NPAS3: variants seen among roughly 807,000 people sequenced by gnomAD.
NPAS3 encodes the protein neuronal PAS domain-containing protein 3.
NPAS3 carries 14 observed loss-of-function variants against 73.1 expected under a neutral mutation model. The ratio of observed to expected loss-of-function variants is 0.19; its 90% CI spans 0.13 to 0.30. The LOEUF (loss-of-function observed/expected upper bound fraction) is 0.30. Among genes scored for constraint, NPAS3 ranks in the 10% least tolerant of loss-of-function variants. NPAS3 has a pLI of 1.00. For missense variants in NPAS3, 1,096 were observed against 1,250.0 expected, an observed-to-expected ratio of 0.88 and a Z score of 1.86; for synonymous variants, 620 against 541.5, an observed-to-expected ratio of 1.14 and a Z score of -2.01.
intron 4 of NPAS3, among the ~76,000 whole-genome samples, chr14:33,534,873 C>T (rs2054192329): frequency 6.6e-6 from 1 of 151,476 alleles, no homozygotes; most frequent in Non-Finnish European, 1.5e-5. Context: ...TATGATCACT[C>T]ACAGTGGGAA....
intron 5 of NPAS3, among the ~76,000 whole-genome samples, chr14:33,653,481 T>A (rs921029960): frequency 2.0e-5 from 3 of 152,282 alleles, no homozygotes; most frequent in African/African-American, 7.2e-5. Context: ...GCTTTTGTGA[T>A]CTCATATTAA....
At chr14:33,318,145 G>C (rs2043284628) in intron 3 of NPAS3, among the ~76,000 whole-genome samples, 1 of 151,972 alleles carries the variant, frequency 6.6e-6, no homozygotes, top group Non-Finnish European at 1.5e-5. Context: ...ATACGTACAA[G>C]GGAATATTAT....
intron 6 of NPAS3, among the ~76,000 whole-genome samples, chr14:33,732,235 A>G (rs183953757): frequency 9.2e-5 from 14 of 151,890 alleles, no homozygotes; most frequent in South Asian, 2.1e-4. Context: ...ATGTGCACGC[A>G]CACACACACA....
At chr14:33,183,527 C>G (rs990300788) in intron 2 of NPAS3, among the ~76,000 whole-genome samples, 2 of 141,006 alleles carry the variant, frequency 1.4e-5, no homozygotes, top group African/African-American at 2.7e-5. Context: ...TAATCTAAGC[C>G]CAGGGCTTAA....
chr14:33,742,616 G>C (rs1182179695), intron 7 of NPAS3, among the ~76,000 whole-genome samples: 1 of 152,170 alleles, frequency 6.6e-6, no homozygotes, highest in African/African-American at 2.4e-5. Flanking sequence ...TCAGGGTGGT[G>C]GTTGCTGAAG....
At chr14:33,512,627 A>C (rs1463298089) in intron 4 of NPAS3, among the ~76,000 whole-genome samples, 1 of 152,036 alleles carries the variant, frequency 6.6e-6, no homozygotes, top group Non-Finnish European at 1.5e-5. Context: ...TGGGGTTTGC[A>C]TTCTGGTGTG....
chr14:33,571,446 C>G (rs939807663), intron 5 of NPAS3, among the ~76,000 whole-genome samples: 14 of 152,074 alleles, frequency 9.2e-5, no homozygotes, highest in Admixed American at 8.5e-4. Context: ...GCAGATGCTA[C>G]CCTGAACTAG....
At position 33,594,006 on chromosome 14, in the gene NPAS3, G is replaced by T. The variant is rs145859480; in HGVS notation, c.558+33796G>T. Reference sequence around the variant, plus strand: ...GGTGTACTTTGTCCATTAGACTAGGGTATCTTCAAGGGCAAGGATCTGTCT... The same window carrying T: ...GGTGTACTTTGTCCATTAGACTAGGTTATCTTCAAGGGCAAGGATCTGTCT... On this transcript the variant is annotated intron_variant, in intron 5 of 11. Transcript: ENST00000356141. Among the ~76,000 whole-genome samples the T allele has an allele frequency of 1.2e-3, 179 of 152,184 alleles. 2 individuals carry two copies. The highest frequency in any genetic ancestry group is 4.0e-3 in the African/African-American group (166 of 41,526).
intron 1 of NPAS3, among the ~76,000 whole-genome samples, chr14:33,037,333 T>A (rs1262185788): frequency 6.6e-6 from 1 of 151,990 alleles, no homozygotes; most frequent in Non-Finnish European, 1.5e-5. Flanking sequence ...GTTGGAGAAA[T>A]GAATCCTACT....
At position 33,677,983 on chromosome 14, in the gene NPAS3, T is replaced by C. The variant is rs76102102; in HGVS notation, c.733+1598T>C. ...GTTTTCTACTCTTTCATCCTGATGT[T>C]GGAGAACCTCTTCCTCATGACTCAA... On this transcript the variant is annotated intron_variant, in intron 6 of 11. Coordinates refer to ENST00000356141, the Ensembl canonical transcript of NPAS3. Among the ~76,000 whole-genome samples, 362 of 152,324 alleles carry C rather than the reference T, an allele frequency of 2.4e-3. 16 individuals carry two copies. The East Asian group carries it at 0.061, about 26-fold the overall frequency.
chr14:33,305,737 T>A (rs2042729699), intron 3 of NPAS3, among the ~76,000 whole-genome samples: 1 of 152,172 alleles, frequency 6.6e-6, no homozygotes, highest in Non-Finnish European at 1.5e-5. Flanking sequence ...TTACAGAATC[T>A]CACTGGATTC....
At chr14:33,530,625 AC>A (rs2053997686) in intron 4 of NPAS3, among the ~76,000 whole-genome samples, 1 of 152,124 alleles carries the variant, frequency 6.6e-6, no homozygotes, top group South Asian at 2.1e-4. Flanking sequence ...GCTTTTCATT[AC>A]TAAGAAGCAG....
At position 33,300,453 on chromosome 14, in the gene NPAS3, C is replaced by T. The variant is rs563253838; in HGVS notation, c.386-66733C>T. Among the ~76,000 whole-genome samples the T allele has an allele frequency of 6.6e-4, 101 of 152,314 alleles. 1 individual carries two copies. The South Asian group carries it at 0.021, about 31-fold the overall frequency. ...AAACTACTGTGATTGAAAAGTTATTCCTTAAATCATCAGCCCAACCTCTGC... is the reference window on the plus strand; with the variant it reads ...AAACTACTGTGATTGAAAAGTTATTTCTTAAATCATCAGCCCAACCTCTGC... On this transcript the variant is annotated intron_variant, in intron 3 of 11. Transcript: ENST00000356141.
intron 6 of NPAS3, among the ~76,000 whole-genome samples, chr14:33,678,636 A>G (rs1236484775): frequency 5.9e-5 from 9 of 152,064 alleles, no homozygotes; most frequent in Admixed American, 5.9e-4. Context: ...GTAGGCTACT[A>G]TACTTCTCTT....
intron 5 of NPAS3, among the ~76,000 whole-genome samples, chr14:33,592,577 G>A (rs1308953118): frequency 6.6e-6 from 1 of 152,084 alleles, no homozygotes; most frequent in Admixed American, 6.5e-5. Context: ...ATCCTGGAGG[G>A]GACAACTATG....
intron 3 of NPAS3, among the ~76,000 whole-genome samples, chr14:33,228,964 C>T (rs1414505345): frequency 6.6e-6 from 1 of 151,996 alleles, no homozygotes; most frequent in Non-Finnish European, 1.5e-5. Context: ...AAGTATTTGC[C>T]AGGTCTATAT....
intron 4 of NPAS3, among the ~76,000 whole-genome samples, chr14:33,426,421 G>A (rs148175405): frequency 1.3e-5 from 2 of 152,182 alleles, no homozygotes; most frequent in East Asian, 3.9e-4. Flanking sequence ...ACCTCTGAAT[G>A]TAGATGAGAT....
At chr14:32,950,511 A>G (rs562065784) in intron 1 of NPAS3, among the ~76,000 whole-genome samples, 1 of 152,094 alleles carries the variant, frequency 6.6e-6, no homozygotes, top group African/African-American at 2.4e-5. Context: ...AAAGATCAGG[A>G]TCATTTAAAA....
intron 7 of NPAS3, among the ~76,000 whole-genome samples, chr14:33,751,930 T>G (rs544928968): frequency 2.0e-5 from 3 of 152,184 alleles, no homozygotes; most frequent in African/African-American, 7.2e-5. Context: ...TTCATAACCA[T>G]GCAAATATTC....
Sources: allele counts gnomAD v4.1 joint callset (sites outside exome capture counted in the v4.1 genomes callset), GRCh38; gene constraint gnomAD v4.1.1; transcripts MANE v1.5; gene names NCBI Gene and HGNC (gene_info 2026-07-23, HGNC 2026-07-21).